ZNF841: variants seen among roughly 807,000 people sequenced by gnomAD.
ZNF841 encodes the protein zinc finger protein 841, also known as TCONS_00006091.
ZNF841 carries 11 observed loss-of-function variants against 13.0 expected under a neutral mutation model. The ratio of observed to expected loss-of-function variants is 0.85; its 90% CI spans 0.53 to 1.40. ZNF841 has a LOEUF of 1.40. Among genes scored for constraint, ZNF841 ranks in the 40% most tolerant of loss-of-function variants. The pLI is 0.00. For synonymous variants in ZNF841, 369 were observed against 381.6 expected, an observed-to-expected ratio of 0.97 and a Z score of 0.38; for missense variants, 1,068 against 1,139.5, an observed-to-expected ratio of 0.94 and a Z score of 0.90.
intron 4 of ZNF841, among the ~76,000 whole-genome samples, chr19:52,084,483 C>T (rs1369914619): frequency 6.6e-6 from 1 of 152,136 alleles, no homozygotes; most frequent in Non-Finnish European, 1.5e-5. Flanking sequence ...TCAGATGTTG[C>T]CCCTAAACAA....
chr19:52,060,973 C>T (rs1394459153), downstream of ZNF841, among the ~76,000 whole-genome samples: 2 of 152,040 alleles, frequency 1.3e-5, no homozygotes, highest in Admixed American at 6.5e-5. Context: ...AAGTTGAGAG[C>T]GTTAAAGGGT....
At chr19:52,081,505 T>C (rs2088097398) in intron 4 of ZNF841, among the ~76,000 whole-genome samples, 1 of 152,182 alleles carries the variant, frequency 6.6e-6, no homozygotes, top group South Asian at 2.1e-4. Context: ...CTATATGAAC[T>C]ATGCATGCAA....
intron 3 of ZNF841, among the ~76,000 whole-genome samples, chr19:52,087,401 G>A (rs1410811416): frequency 6.6e-6 from 1 of 152,058 alleles, no homozygotes; most frequent in African/African-American, 2.4e-5. Flanking sequence ...AGTGTGTGTT[G>A]TTTCCCTCTA....
In ZNF841 at chr19:52,076,090, T is replaced by G; in HGVS notation, c.225A>C (p.Ile75=). 1 of 1,554,260 alleles carries G rather than the reference T, an allele frequency of 6.4e-7. No individual in the cohort carries two copies. Among genetic ancestry groups the G allele is most frequent in the East Asian group, 2.4e-5 (1 of 41,252 alleles). Reference sequence around the variant, plus strand: ...ATTCCCCACAGTTTGGGTTCCTCGCTATTTTCACTTGGCTCACCACAGTCC... The same window carrying G: ...ATTCCCCACAGTTTGGGTTCCTCGCGATTTTCACTTGGCTCACCACAGTCC... ...EPWTVVSQVK[I]ARNPNCGECM... The change falls in exon 6 of 7, where the codon ATA becomes ATC. Residue 75 remains isoleucine (I), a synonymous_variant. Coordinates refer to ENST00000594440, the MANE Select transcript of ZNF841 (RefSeq NM_001136499.2).
At chr19:52,079,052 ACTTAGTACTTCATTTACTTATT>A (rs2088005119) in intron 4 of ZNF841, among the ~76,000 whole-genome samples, 1 of 47,836 alleles carries the variant, frequency 2.1e-5, no homozygotes, top group Admixed American at 2.4e-4. Flanking sequence ...TTTACTTTGT[ACTTAGTACTTCATTTACTTATT>A]TACTTAGTAC....
rs1230912058 is a variant in ZNF841, at chr19:52,066,602, T to C, written c.1280A>G (p.Lys427Arg). ...TAHHIIHAGK[K>R]PYTCDVCGKV... ...GCCACATACATCACATGTATATGGT[T>C]TCTTTCCTGCATGGATTATATGATG... Residue 427 changes from lysine to arginine, a missense_variant, in exon 7 of 7, where the codon AAA becomes AGA. Lys to Arg is a conservative substitution (Grantham distance 26, BLOSUM62 2). Transcript: ENST00000594440. The C allele has an allele frequency of 1.2e-6, 2 of 1,613,690 alleles. No individual in the cohort carries two copies. The highest frequency in any genetic ancestry group is 3.3e-5 in the Admixed American group (2 of 59,922).
At chr19:52,063,065 C>T (rs368282394), downstream of ZNF841, among the ~76,000 whole-genome samples, 19 of 151,990 alleles carry the variant, frequency 1.3e-4, no homozygotes, top group African/African-American at 3.6e-4. Flanking sequence ...TTAGTAGAGA[C>T]GGGGTTTCAC....
At position 52,065,371 on chromosome 19, in the gene ZNF841, A is replaced by C. The variant is rs748940517; in HGVS notation, c.2511T>G (p.Val837=). 7 of 1,607,636 alleles carry C rather than the reference A, an allele frequency of 4.4e-6. No individual in the cohort carries two copies. The highest frequency in any genetic ancestry group is 5.9e-6 in the Non-Finnish European group (7 of 1,176,608). Residue 837 remains valine (V), a synonymous_variant, in exon 7 of 7, where the codon GTT becomes GTG. Coordinates refer to ENST00000594440, the MANE Select transcript of ZNF841 (RefSeq NM_001136499.2). ...CTCCAGTATGGTTTCTCTGATGGTA[A>C]ACCAAGTTTGACCTTTCGATAAAAG... is the stretch of plus-strand genomic sequence containing the variant. ...GKAFIERSNL[V]YHQRNHTGEK...
rs1278470192 is a variant in ZNF841 at position 52,067,296 on chromosome 19, GC to G, written c.585del (p.Leu195PhefsTer25). ...ILRFQSGLGE[L>X]QKFQTAEKIY... ...ATTTTCTCTGCAGTTTGAAATTTCT[GC>G]AATTCACCCAGACCGGACTGAAACC... On this transcript the variant is annotated frameshift_variant, in exon 7 of 7. Coordinates refer to ENST00000594440, the MANE Select transcript of ZNF841 (RefSeq NM_001136499.2). LOFTEE classifies it low-confidence loss of function (END_TRUNC). 1 of 1,551,754 alleles carries G rather than the reference GC, an allele frequency of 6.4e-7. No homozygotes were observed. Among genetic ancestry groups the G allele is most frequent in the Non-Finnish European group, 8.7e-7 (1 of 1,146,994 alleles).
intron 4 of ZNF841, among the ~76,000 whole-genome samples, chr19:52,078,625 G>T (rs2087988391): frequency 6.6e-6 from 1 of 151,204 alleles, no homozygotes; most frequent in East Asian, 1.9e-4. Context: ...CATGAACCCG[G>T]GAAGCAGGGC....
Position 52,066,001 on chromosome 19 carries a change from A to G in ZNF841, c.1881T>C (p.Cys627=). Residue 627 remains cysteine, a synonymous_variant, in exon 7 of 7, where the codon TGT becomes TGC. Transcript: ENST00000594440. ...RSHTGEKPFQ[C]NECGKVFSYY... ...AACTGAAGACCTTGCCGCATTCGTT[A>G]CACTGGAAAGGTTTCTCTCCGGTAT... The G allele has an allele frequency of 6.2e-7, 1 of 1,614,138 alleles. No homozygotes were observed. The highest frequency in any genetic ancestry group is 8.5e-7 in the Non-Finnish European group (1 of 1,179,964).
downstream of ZNF841, among the ~76,000 whole-genome samples, chr19:52,062,965 T>C (rs1014927711): frequency 2.4e-4 from 35 of 145,902 alleles, no homozygotes; most frequent in Admixed American, 4.3e-4. Flanking sequence ...AAGCTCAGCC[T>C]CCCGGGTTCA....
the ZNF841 span, chr19:52,058,624 C>T: frequency 2.0e-5 from 3 of 152,524 alleles, no homozygotes; most frequent in Non-Finnish European, 4.4e-5. Flanking sequence ...GGACCCTTTA[C>T]ATAACTGTTG....
intron 4 of ZNF841, among the ~76,000 whole-genome samples, chr19:52,078,622 C>T (rs2087988059): frequency 6.6e-6 from 1 of 151,034 alleles, no homozygotes; most frequent in Non-Finnish European, 1.5e-5. Context: ...TGGCATGAAC[C>T]CGGGAAGCAG....
At chr19:52,076,536 T>C (rs2087906038) in intron 5 of ZNF841, 1 of 290,926 alleles carries the variant, frequency 3.4e-6, no homozygotes, top group East Asian at 8.9e-5. Flanking sequence ...TCCCAGCTAC[T>C]TGGAAGGCTA....
intron 4 of ZNF841, among the ~76,000 whole-genome samples, chr19:52,080,027 T>C (rs936514918): frequency 1.3e-5 from 2 of 149,204 alleles, no homozygotes; most frequent in African/African-American, 4.9e-5. Context: ...GATAACATGA[T>C]TGCAACCCAG....
At chr19:52,059,192 C>T in the ZNF841 span, 1 of 149,660 alleles carries the variant, frequency 6.7e-6, no homozygotes, top group Non-Finnish European at 1.5e-5. Context: ...ACTAAAAATA[C>T]AAAAAAAATT....
chr19:52,059,370 A>AAAAAAAAAAT, the ZNF841 span, among the ~76,000 whole-genome samples: 4 of 69,650 alleles, frequency 5.7e-5, no homozygotes, highest in African/African-American at 3.3e-4. Context: ...AAAAAAAAAA[A>AAAAAAAAAAT]ATATATATAT....
At chr19:52,092,847 G>A (rs1230370251) in intron 2 of ZNF841, among the ~76,000 whole-genome samples, 1 of 152,238 alleles carries the variant, frequency 6.6e-6, no homozygotes, top group Non-Finnish European at 1.5e-5. Context: ...ATGGCTGGGT[G>A]TGGCGGCTCA....
Sources: allele counts gnomAD v4.1 joint callset (sites outside exome capture counted in the v4.1 genomes callset), GRCh38; gene constraint gnomAD v4.1.1; transcripts MANE v1.5; gene names NCBI Gene and HGNC (gene_info 2026-07-23, HGNC 2026-07-21).